TBPL1: variants seen among roughly 807,000 people sequenced by gnomAD.
TBPL1 encodes the protein TATA-box binding protein like 1.
Under a neutral mutation model 22.1 loss-of-function variants are expected in TBPL1, and 4 were observed. The observed-to-expected ratio is 0.18, with a 90% CI of 0.09 to 0.41. The LOEUF is 0.41. Ranked by LOEUF, TBPL1 falls within the 10% of genes least tolerant of loss-of-function variation. TBPL1 has a pLI of 1.00. For missense variants in TBPL1, 115 were observed against 222.3 expected, an observed-to-expected ratio of 0.52 and a Z score of 3.07; for synonymous variants, 64 against 71.0, an observed-to-expected ratio of 0.90 and a Z score of 0.50.
chr6:133,978,676 G>A (rs754570447), intron 1 of TBPL1, among the ~76,000 whole-genome samples: 2 of 152,150 alleles, frequency 1.3e-5, no homozygotes, highest in Admixed American at 6.5e-5. Flanking sequence ...TAATGAAGTT[G>A]AGGTACAATT....
intron 1 of TBPL1, among the ~76,000 whole-genome samples, chr6:133,969,911 G>A (rs893947065): frequency 6.6e-6 from 1 of 152,162 alleles, no homozygotes; most frequent in Non-Finnish European, 1.5e-5. Flanking sequence ...CATTTGTCTA[G>A]AATGTATCTT....
Position 133,989,650 on chromosome 6 carries a change from A to T in TBPL1, c.*2610A>T, listed in dbSNP as rs934568592. 3.9e-5 allele frequency: 6 copies of T among 152,182 alleles called. No individual in the cohort carries two copies. The highest frequency in any genetic ancestry group is 1.4e-4 in the African/African-American group (6 of 41,458). The allele number at this position is 152,182 out of a possible 1,614,324, so 9.4% of individuals were successfully genotyped here. A position where few individuals can be genotyped will look rare whatever the true frequency, so the allele number is the denominator to read the frequency against. On this transcript the variant is annotated 3_prime_UTR_variant, in exon 7 of 7. Transcript: ENST00000237264. ...TCCCCCTGCCAATTTTTATACAGAT[A>T]ATACACTGCAGATCCAGGCCTTTTA...
At chr6:133,982,752 T>C (rs1582584229) in intron 3 of TBPL1, 65 bp from the exon 4 acceptor site, 1 of 1,585,836 alleles carries the variant, frequency 6.3e-7, no homozygotes, top group African/African-American at 1.4e-5. Flanking sequence ...AAGTTTGTTA[T>C]GTTCCTCAGT....
chr6:133,964,027 C>A (rs958299647), intron 1 of TBPL1, among the ~76,000 whole-genome samples: 4 of 152,054 alleles, frequency 2.6e-5, no homozygotes, highest in Non-Finnish European at 5.9e-5. Flanking sequence ...GGCGACAGAG[C>A]AAGACTGCGT....
intron 2 of TBPL1, 105 bp from the exon 3 acceptor site, chr6:133,982,463 G>A (rs1776433412): frequency 1.1e-6 from 1 of 898,866 alleles, no homozygotes; most frequent in African/African-American, 1.7e-5. Flanking sequence ...TTGCAGTCTT[G>A]GATAAGCTTG....
chr6:133,964,529 C>A (rs1776085035), intron 1 of TBPL1, among the ~76,000 whole-genome samples: 1 of 150,984 alleles, frequency 6.6e-6, no homozygotes. Context: ...TGGCTCACTG[C>A]AAGCTCCGTC....
At chr6:133,975,001 A>G (rs1014659190) in intron 1 of TBPL1, among the ~76,000 whole-genome samples, 3 of 152,222 alleles carry the variant, frequency 2.0e-5, no homozygotes, top group African/African-American at 7.2e-5. Context: ...AAGAAAAGAC[A>G]GTTAAAAACT....
intron 1 of TBPL1, among the ~76,000 whole-genome samples, chr6:133,975,118 A>G (rs1277062765): frequency 2.6e-5 from 4 of 152,174 alleles, no homozygotes; most frequent in Admixed American, 6.5e-5. Context: ...AAAATTCACT[A>G]GAGAGGATCA....
intron 6 of TBPL1, chr6:133,985,767 C>T (rs1345276260): frequency 6.6e-6 from 1 of 152,128 alleles, no homozygotes; most frequent in Non-Finnish European, 1.5e-5. Context: ...TTAGTTTTGA[C>T]TCATCCCATG....
intron 1 of TBPL1, among the ~76,000 whole-genome samples, chr6:133,979,188 C>T (rs1378825982): frequency 6.6e-6 from 1 of 152,112 alleles, no homozygotes; most frequent in Non-Finnish European, 1.5e-5. Flanking sequence ...AAGACTTTGC[C>T]TTAATCATTT....
In TBPL1 at chr6:133,987,062, A is replaced by G. The variant is rs1330420706; in HGVS notation, c.*22A>G. On this transcript the variant is annotated 3_prime_UTR_variant, in exon 7 of 7. Transcript: ENST00000237264. ...ATAATTCACCACTTAATTGGTTAGAATCTCTAACTGAGCACCTTTTAAACC... is the reference window on the plus strand; with the variant it reads ...ATAATTCACCACTTAATTGGTTAGAGTCTCTAACTGAGCACCTTTTAAACC... The G allele has an allele frequency of 3.2e-6, 5 of 1,562,264 alleles. No homozygotes were observed. The highest frequency in any genetic ancestry group is 8.8e-7 in the Non-Finnish European group (1 of 1,138,336).
intron 1 of TBPL1, among the ~76,000 whole-genome samples, chr6:133,958,793 C>G (rs765816503): frequency 2.0e-5 from 3 of 151,986 alleles, no homozygotes; most frequent in Non-Finnish European, 4.4e-5. Flanking sequence ...TTATTAAAAG[C>G]ATATTTTGCT....
intron 4 of TBPL1, among the ~76,000 whole-genome samples, chr6:133,983,591 G>A (rs1235835809): frequency 1.3e-5 from 2 of 152,132 alleles, no homozygotes; most frequent in African/African-American, 4.8e-5. Context: ...TGGCAGTAGA[G>A]AGAGGCTTGA....
chr6:133,965,367 T>G (rs1256760564), intron 1 of TBPL1, among the ~76,000 whole-genome samples: 1 of 152,180 alleles, frequency 6.6e-6, no homozygotes, highest in African/African-American at 2.4e-5. Flanking sequence ...ATCATAAACT[T>G]GTATCACAAT....
chr6:133,980,412 C>T, intron 2 of TBPL1, 152 bp downstream of exon 2: 2 of 834,860 alleles, frequency 2.4e-6, no homozygotes, highest in Admixed American at 3.9e-5. Flanking sequence ...TAAAAGCAAT[C>T]CCTCCTCTCA....
intron 1 of TBPL1, among the ~76,000 whole-genome samples, chr6:133,964,929 C>A (rs1381068779): frequency 2.0e-5 from 3 of 152,130 alleles, no homozygotes. Flanking sequence ...GTTGTATTTT[C>A]CCCATGCAGT....
At chr6:133,965,946 C>A (rs1031678087) in intron 1 of TBPL1, among the ~76,000 whole-genome samples, 1 of 152,100 alleles carries the variant, frequency 6.6e-6, no homozygotes, top group Non-Finnish European at 1.5e-5. Context: ...GTTTATCTGC[C>A]TTATTTTACA....
At chr6:133,985,376 ATT>A (rs535257177) in intron 6 of TBPL1, among the ~76,000 whole-genome samples, 58 of 120,930 alleles carry the variant, frequency 4.8e-4, no homozygotes, top group African/African-American at 1.8e-3. Context: ...CCATAGTATG[ATT>A]TTTTTTTTGT....
intron 1 of TBPL1, among the ~76,000 whole-genome samples, chr6:133,954,256 A>G (rs969392349): frequency 1.3e-5 from 2 of 152,216 alleles, no homozygotes; most frequent in Non-Finnish European, 2.9e-5. Flanking sequence ...CAGTAAGTGC[A>G]TGAGCTTCTG....
Sources: gnomAD v4.1 joint callset for allele counts (sites outside exome capture counted in the v4.1 genomes callset) on GRCh38, gnomAD v4.1.1 for gene constraint, MANE v1.5 for transcripts, NCBI Gene and HGNC (gene_info 2026-07-23, HGNC 2026-07-21) for gene names.